Variants in PRRT4 observed in about 807,000 individuals in gnomAD.
The protein encoded by PRRT4 is proline-rich transmembrane protein 4.
A neutral mutation model predicts 55.6 loss-of-function variants in PRRT4; 59 were observed. The observed-to-expected ratio is 1.06, with a 90% CI of 0.86 to 1.32. PRRT4 has a LOEUF of 1.32. Among genes scored for constraint, PRRT4 ranks in the 40% most tolerant of loss-of-function variants. PRRT4 has a pLI of 0.00. For missense variants in PRRT4, 1,217 were observed against 1,222.0 expected, an observed-to-expected ratio of 1.00 and a Z score of 0.06; for synonymous variants, 606 against 601.8, an observed-to-expected ratio of 1.01 and a Z score of -0.10.
At chr7:128,351,388 G>C (rs1287088939) in exon 5 of PRRT4, 1 of 1,543,558 alleles carries the variant, frequency 6.5e-7, no homozygotes, top group East Asian at 2.5e-5. Flanking sequence ...GATTGGGGAG[G>C]GCGGGCGGAA....
At chr7:128,357,169 A>T (rs1797127636) in intron 4 of PRRT4, among the ~76,000 whole-genome samples, 1 of 151,964 alleles carries the variant, frequency 6.6e-6, no homozygotes, top group East Asian at 1.9e-4. Flanking sequence ...TAGAGGCAAC[A>T]CAGAGAGACT....
exon 5 of PRRT4, chr7:128,351,587 G>A: frequency 1.3e-6 from 2 of 1,504,200 alleles, no homozygotes; most frequent in Non-Finnish European, 1.8e-6. Context: ...TTGTCTGGGG[G>A]CCCAGTGACC....
chr7:128,359,890 G>T (rs1487791172), exon 2 of PRRT4: 1 of 1,464,838 alleles, frequency 6.8e-7, no homozygotes, highest in Non-Finnish European at 9.1e-7. Flanking sequence ...TCAAAGTGGT[G>T]GCAGGGGCAC....
intron 1 of PRRT4, among the ~76,000 whole-genome samples, chr7:128,360,375 C>T (rs756406829): frequency 2.0e-5 from 3 of 152,278 alleles, no homozygotes; most frequent in Admixed American, 1.3e-4. Flanking sequence ...GACATGGATT[C>T]CTCTCTTCCT....
chr7:128,359,472 T>G, exon 2 of PRRT4: 1 of 1,462,810 alleles, frequency 6.8e-7, no homozygotes. Context: ...TCCAGCTCGC[T>G]CTGGTGGGGC....
At chr7:128,360,455 G>A (rs1051365902) in intron 1 of PRRT4, among the ~76,000 whole-genome samples, 1 of 152,176 alleles carries the variant, frequency 6.6e-6, no homozygotes, top group Admixed American at 6.5e-5. Flanking sequence ...GCATATAACT[G>A]TGAACAAGCA....
At chr7:128,359,740 C>T in exon 2 of PRRT4, 1 of 1,551,416 alleles carries the variant, frequency 6.4e-7, no homozygotes, top group Non-Finnish European at 8.7e-7. Flanking sequence ...CTTCCCCTGG[C>T]TCCTGGCCTG....
At chr7:128,351,459 G>A in exon 5 of PRRT4, 1 of 1,520,910 alleles carries the variant, frequency 6.6e-7, no homozygotes, top group Admixed American at 2.0e-5. Context: ...TGGCCGCCGC[G>A]CCTTCGAAGC....
exon 2 of PRRT4, chr7:128,360,061 G>T (rs1345959953): frequency 1.6e-5 from 20 of 1,233,066 alleles, no homozygotes; most frequent in East Asian, 1.2e-4. Context: ...GAGGAGGAAG[G>T]TCCTGGAGAG....
In PRRT4 at chr7:128,359,121, A is replaced by G. The variant is rs76833855; in HGVS notation, c.757+28T>C. On this transcript the variant is annotated intron_variant, in intron 3 of 4. Coordinates refer to ENST00000535159, the Ensembl canonical transcript of PRRT4. ...CGCTTGGCACGTAGAGTGTTCCACAATAGTTTATTGCAATGAAATAAACTC... is the reference window on the plus strand; with the variant it reads ...CGCTTGGCACGTAGAGTGTTCCACAGTAGTTTATTGCAATGAAATAAACTC... 3.3e-3 allele frequency: 5,084 copies of G among 1,544,336 alleles called. 150 individuals are homozygous for G. In the African/African-American group the frequency reaches 0.062, roughly 19 times the overall value.
chr7:128,351,555 G>T, exon 5 of PRRT4: 1 of 1,487,664 alleles, frequency 6.7e-7, no homozygotes, highest in African/African-American at 1.4e-5. Flanking sequence ...CCCCGCGAGC[G>T]ATGGCGCTCC....
At chr7:128,352,437 G>A in exon 5 of PRRT4, 6 of 1,537,784 alleles carry the variant, frequency 3.9e-6, no homozygotes, top group Non-Finnish European at 5.2e-6. Flanking sequence ...CCAGGCCGAA[G>A]AGCGCGCCTA....
exon 2 of PRRT4, chr7:128,359,692 T>C (rs1400774736): frequency 2.6e-6 from 4 of 1,551,290 alleles, no homozygotes; most frequent in African/African-American, 1.4e-5. Context: ...CCACCAGCAA[T>C]TCCCAAAGGG....
At chr7:128,351,270 G>A in exon 5 of PRRT4, 1 of 1,540,452 alleles carries the variant, frequency 6.5e-7, no homozygotes, top group Non-Finnish European at 8.7e-7. Flanking sequence ...AGGCGGTGCG[G>A]TAGAGTCCGA....
At chr7:128,352,732 AC>A in intron 4 of PRRT4, 54 bp from the exon 6 acceptor site, 1 of 1,445,182 alleles carries the variant, frequency 6.9e-7, no homozygotes, top group Middle Eastern at 2.5e-4. Flanking sequence ...CCCCTTACCC[AC>A]CCCACAAGCA....
At chr7:128,357,068 A>T (rs1202200412) in intron 4 of PRRT4, among the ~76,000 whole-genome samples, 1 of 152,182 alleles carries the variant, frequency 6.6e-6, no homozygotes, top group Non-Finnish European at 1.5e-5. Flanking sequence ...GTATGTATGG[A>T]CTGAATACAG....
chr7:128,350,866 A>G (rs1029902889), exon 5 of PRRT4: 1 of 1,551,052 alleles, frequency 6.4e-7, no homozygotes, highest in Non-Finnish European at 8.7e-7. Context: ...TCACAGGTCT[A>G]TGGTGTCGCT....
At chr7:128,352,104 C>T in exon 5 of PRRT4, 1 of 1,157,880 alleles carries the variant, frequency 8.6e-7, no homozygotes, top group Non-Finnish European at 1.1e-6. Context: ...GCGCGGCGCT[C>T]CCGAGGGCGG....
chr7:128,351,436 G>A (rs1034855845), exon 5 of PRRT4: 3 of 1,526,534 alleles, frequency 2.0e-6, no homozygotes, highest in Non-Finnish European at 1.8e-6. Flanking sequence ...GGAAGCCGGG[G>A]ACGGGGCCGG....
Sources: gnomAD v4.1 joint callset for allele counts (sites outside exome capture counted in the v4.1 genomes callset) on GRCh38, gnomAD v4.1.1 for gene constraint, MANE v1.5 for transcripts, NCBI Gene and HGNC (gene_info 2026-07-23, HGNC 2026-07-21) for gene names.